The following KDM2B variants were observed in gnomAD, a reference collection of about 807,000 sequenced individuals.
KDM2B encodes lysine-specific demethylase 2B.
Under a neutral mutation model 150.0 loss-of-function variants are expected in KDM2B, and 26 were observed. That is an observed-to-expected ratio of 0.17 (90% CI 0.13 to 0.24). The LOEUF is 0.24. Ranked by LOEUF, KDM2B falls within the 10% of genes least tolerant of loss-of-function variation. The pLI is 1.00. For missense variants in KDM2B, 1,265 were observed against 1,816.9 expected, an observed-to-expected ratio of 0.70 and a Z score of 5.52; for synonymous variants, 734 against 729.5, an observed-to-expected ratio of 1.01 and a Z score of -0.10.
intron 12 of KDM2B, among the ~76,000 whole-genome samples, chr12:121,486,458 C>T (rs949573137): frequency 6.9e-6 from 1 of 145,862 alleles, no homozygotes; most frequent in Admixed American, 7.2e-5. Flanking sequence ...AGATTACAGG[C>T]GTGAGCCACT....
chr12:121,441,181 T>G lies in KDM2B; in HGVS notation c.3337A>C (p.Ile1113Leu). Residue 1113 changes from isoleucine (I) to leucine (L), a missense_variant, in exon 20 of 23, where the codon ATC (isoleucine) becomes CTC (leucine). Ile to Leu is a conservative substitution (Grantham distance 5, BLOSUM62 2). Around this residue, in one of 11 missense-constraint regions of KDM2B, gnomAD observed 251 missense variants for 397.8 expected, o/e 0.63. Transcript: ENST00000377071. ...ATGCCACTCAGCATCAGGGGTGTGA[T>G]AGACTTGCAGTGGTTCAGGTCAATG... is the stretch of plus-strand genomic sequence containing the variant. ...TRIDLNHCKS[I>L]TPLMLSGIIR... 1.2e-6 allele frequency: 2 copies of G among 1,614,154 alleles called. No individual in the cohort carries two copies. The highest frequency in any genetic ancestry group is 1.7e-6 in the Non-Finnish European group (2 of 1,180,014).
rs60048517 is a variant in KDM2B at position 121,539,326 on chromosome 12, C to CAA, written c.684-4738_684-4737dup. On this transcript the variant is annotated intron_variant, in intron 6 of 22. Coordinates refer to ENST00000377071, the MANE Select transcript of KDM2B (RefSeq NM_032590.5). The stretch of plus-strand genomic sequence containing the variant: ...CCGGGTGACATAGGAGACCCTCTCC[C>CAA]AAAAAAAAAAAAAAAAAAAAAAAAA... Among the ~76,000 whole-genome samples, 107 of 58,604 alleles carry CAA rather than the reference C, an allele frequency of 1.8e-3. 4 individuals are homozygous for CAA. Among genetic ancestry groups the CAA allele is most frequent in the South Asian group, 1.0e-2 (12 of 1,204 alleles). The allele number at this position is 58,604 out of a possible 152,430, so 38.4% of individuals were successfully genotyped here. A position where few individuals can be genotyped will look rare whatever the true frequency, so the allele number is the denominator to read the frequency against.
chr12:121,457,971 C>T (rs1878520172), intron 12 of KDM2B, among the ~76,000 whole-genome samples: 1 of 152,148 alleles, frequency 6.6e-6, no homozygotes, highest in Admixed American at 6.6e-5. Context: ...ATTAAAATTA[C>T]TTAGATTAAC....
chr12:121,417,846 A>C, the KDM2B span: 2 of 1,614,060 alleles, frequency 1.2e-6, no homozygotes, highest in Non-Finnish European at 1.7e-6. This position sits in a 1 kb window ranked among gnomAD's most constrained non-coding sequence, Gnocchi z 5.0. Context: ...CTCTGCTACT[A>C]TGTCTTCGTT....
chr12:121,444,736 GC>G (rs1875845984), intron 14 of KDM2B, 200 bp from the exon 15 acceptor site: 2 of 603,532 alleles, frequency 3.3e-6, no homozygotes, highest in Non-Finnish European at 5.9e-6. Context: ...GGGTTCAGAG[GC>G]TGAGCCCCTT....
chr12:121,561,802 T>G (rs552786563), intron 4 of KDM2B, among the ~76,000 whole-genome samples: 1 of 152,306 alleles, frequency 6.6e-6, no homozygotes, highest in East Asian at 1.9e-4. Flanking sequence ...TTTTCCCATT[T>G]GTGAAATGGG....
chr12:121,426,116 G>A (rs1872500158), downstream of KDM2B, among the ~76,000 whole-genome samples: 1 of 152,152 alleles, frequency 6.6e-6, no homozygotes, highest in South Asian at 2.1e-4. Context: ...CCAGGCCATA[G>A]AAGCTAAGCA....
chr12:121,449,181 C>G (rs1555291008), intron 13 of KDM2B, among the ~76,000 whole-genome samples: 2 of 135,050 alleles, frequency 1.5e-5, no homozygotes, highest in Non-Finnish European at 3.1e-5. Context: ...CAGGGGCTGG[C>G]AGGGGGCTTG....
rs772794238 is a variant in KDM2B at position 121,503,111 on chromosome 12, G to A, written c.1647+6456C>T. ...TCCTGCCTCAGTCTCTCTAGTAGCT[G>A]GGCCTACAGGCGTGCGCCATCACGC... is the stretch of plus-strand genomic sequence containing the variant. On this transcript the variant is annotated intron_variant, in intron 11 of 22. Coordinates refer to ENST00000377071, the MANE Select transcript of KDM2B (RefSeq NM_032590.5). Among the ~76,000 whole-genome samples, 246 of 151,420 alleles carry A rather than the reference G, an allele frequency of 1.6e-3. 10 individuals carry two copies. Among genetic ancestry groups the A allele is most frequent in the Non-Finnish European group, 5.3e-4 (36 of 67,868 alleles).
At chr12:121,530,667 T>G (rs1887590905) in intron 8 of KDM2B, among the ~76,000 whole-genome samples, 1 of 152,156 alleles carries the variant, frequency 6.6e-6, no homozygotes, top group Non-Finnish European at 1.5e-5. Flanking sequence ...AGGACCTAAC[T>G]GGACTCCTGC....
Position 121,443,453 on chromosome 12 carries a change from C to T in KDM2B, c.2565+227G>A, listed in dbSNP as rs933708303. ...TGGGTGGAGCAGGGCCACCAGGCTC[C>T]TCAGAGGTTCCCTGGACTCACAGCT... On this transcript the variant is annotated intron_variant, in intron 17 of 22. Transcript: ENST00000377071. The T allele has an allele frequency of 3.2e-5, 19 of 594,250 alleles. No homozygotes were observed. The African/African-American group carries it at 3.5e-4, about 11-fold the overall frequency. The allele number at this position is 594,250 out of a possible 1,614,324, so 36.8% of individuals were successfully genotyped here. A position where few individuals can be genotyped will look rare whatever the true frequency, so the allele number is the denominator to read the frequency against.
At chr12:121,508,744 C>A (rs1160709104) in intron 11 of KDM2B, among the ~76,000 whole-genome samples, 1 of 152,206 alleles carries the variant, frequency 6.6e-6, no homozygotes, top group Non-Finnish European at 1.5e-5. Flanking sequence ...CCTCTCTGAG[C>A]CTACTTCCTC....
chr12:121,500,445 G>T (rs1884431196), intron 11 of KDM2B, among the ~76,000 whole-genome samples: 2 of 152,232 alleles, frequency 1.3e-5, no homozygotes, highest in Admixed American at 1.3e-4. Context: ...GGCTGGGCCT[G>T]GGCGGCCCTT....
intron 22 of KDM2B, among the ~76,000 whole-genome samples, chr12:121,439,380 CTT>C (rs530764831): frequency 8.4e-4 from 109 of 129,526 alleles, no homozygotes; most frequent in Middle Eastern, 4.0e-3. Flanking sequence ...CCAATGGTAA[CTT>C]TTTTTTTTTT....
intron 6 of KDM2B, among the ~76,000 whole-genome samples, chr12:121,535,284 C>G (rs2141598366): frequency 6.6e-6 from 1 of 151,744 alleles, no homozygotes; most frequent in Admixed American, 6.6e-5. Flanking sequence ...AGCAATGCAG[C>G]TAGAAAAGTA....
rs1887851871 is a variant in KDM2B at position 121,533,734 on chromosome 12, G to GAGC, written c.777+760_777+762dup. Among the ~76,000 whole-genome samples the GAGC allele has an allele frequency of 6.6e-6, 1 of 152,196 alleles. No individual in the cohort carries two copies. Among genetic ancestry groups the GAGC allele is most frequent in the African/African-American group, 2.4e-5 (1 of 41,432 alleles). On this transcript the variant is annotated intron_variant, in intron 7 of 22. Transcript: ENST00000377071. The surrounding 1 kb of genome is among the most constrained non-coding windows in gnomAD (Gnocchi z 4.1). The stretch of plus-strand genomic sequence containing the variant: ...CTTTGAACACCAGACTGGGTGAGTG[G>GAGC]AGCAGGCCTGCATGGGTGACTAGAT...
intron 11 of KDM2B, 126 bp from the exon 12 acceptor site, chr12:121,494,791 C>A: frequency 1.6e-6 from 1 of 624,070 alleles, no homozygotes. Context: ...ATTGACTCCA[C>A]CACCACCCAC....
chr12:121,516,716 TC>T, intron 9 of KDM2B: 2 of 631,084 alleles, frequency 3.2e-6, no homozygotes, highest in Non-Finnish European at 5.6e-6. Context: ...CAGCCCTTCC[TC>T]GGAGGTCCAA....
At position 121,453,052 on chromosome 12, in the gene KDM2B, G is replaced by T; in HGVS notation, c.1959+68C>A. 2 of 1,343,992 alleles carry T rather than the reference G, an allele frequency of 1.5e-6. No homozygotes were observed. Among genetic ancestry groups the T allele is most frequent in the Non-Finnish European group, 1.0e-6 (1 of 993,530 alleles). 83.3% of individuals were successfully genotyped at this position (1,343,992 alleles called of 1,614,324 possible). ...CGGAGGGGCGGCCAGAGCGAGCAGC[G>T]GTCAGACACGCGGGCCGGCACGCAG... On this transcript the variant is annotated intron_variant, in intron 13 of 22. Transcript: ENST00000377071. This position sits in a 1 kb window ranked among gnomAD's most constrained non-coding sequence, Gnocchi z 6.4.
Sources: allele counts gnomAD v4.1 joint callset (sites outside exome capture counted in the v4.1 genomes callset), GRCh38; gene constraint gnomAD v4.1.1; regional missense constraint gnomAD v4.1.1; non-coding constraint Gnocchi (gnomAD v3.1); transcripts MANE v1.5; gene names NCBI Gene and HGNC (gene_info 2026-07-23, HGNC 2026-07-21).